Variants in PRKCA observed in about 807,000 individuals in gnomAD.
PRKCA encodes protein kinase C alpha type.
PRKCA carries 27 observed loss-of-function variants against 87.0 expected under a neutral mutation model. The ratio of observed to expected loss-of-function variants is 0.31; its 90% CI spans 0.23 to 0.43. The LOEUF (loss-of-function observed/expected upper bound fraction) is 0.43. PRKCA is among the 20% of genes least tolerant of loss of function. The pLI is 1.00. For synonymous variants in PRKCA, 329 were observed against 311.1 expected (o/e 1.06, Z -0.61); for missense variants, 518 against 852.3 (o/e 0.61, Z 4.88).
In PRKCA at chr17:66,550,416, C is replaced by T. The variant is rs143653232; in HGVS notation, c.288+54133C>T. On this transcript the variant is annotated intron_variant, in intron 3 of 16. Transcript: ENST00000413366. Reference sequence around the variant, plus strand: ...CTGTAATCCCAACACTTTGGGAGGCCGAGGCAGGTAGATCACCTGAGTTCA... The same window carrying T: ...CTGTAATCCCAACACTTTGGGAGGCTGAGGCAGGTAGATCACCTGAGTTCA... 5.3e-5 allele frequency among the ~76,000 whole-genome samples: 8 copies of T among 152,164 alleles called. No individual in the cohort carries two copies. The East Asian group carries it at 1.2e-3, about 22-fold the overall frequency.
intron 2 of PRKCA, among the ~76,000 whole-genome samples, chr17:66,368,382 ATATATTTTTTTTT>A (rs1908880778): frequency 2.9e-5 from 1 of 34,570 alleles, no homozygotes; most frequent in Non-Finnish European, 5.8e-5. Context: ...ATATATATAT[ATATATTTTTTTTT>A]TTTTTTTTTT....
chr17:66,380,342 G>C (rs1052236648), intron 2 of PRKCA, among the ~76,000 whole-genome samples: 1 of 152,084 alleles, frequency 6.6e-6, no homozygotes, highest in Non-Finnish European at 1.5e-5. Flanking sequence ...GGGAGTAAGT[G>C]ATGTATCTCC....
intron 3 of PRKCA, among the ~76,000 whole-genome samples, chr17:66,586,060 A>G (rs908232516): frequency 6.6e-6 from 1 of 152,208 alleles, no homozygotes; most frequent in Non-Finnish European, 1.5e-5. Flanking sequence ...AACATATTCA[A>G]TAAGTTAATA....
At chr17:66,365,797 T>C (rs1908681635) in intron 2 of PRKCA, among the ~76,000 whole-genome samples, 1 of 152,224 alleles carries the variant, frequency 6.6e-6, no homozygotes, top group South Asian at 2.1e-4. Context: ...ATTAAACGCA[T>C]GCCAAAGGCT....
At chr17:66,749,088 G>A (rs893548863) in intron 13 of PRKCA, among the ~76,000 whole-genome samples, 2 of 145,370 alleles carry the variant, frequency 1.4e-5, no homozygotes, top group African/African-American at 2.6e-5. Flanking sequence ...CAGGACAGGC[G>A]GGTATTAGGT....
At chr17:66,692,183 A>G (rs906467533) in intron 8 of PRKCA, among the ~76,000 whole-genome samples, 1 of 152,190 alleles carries the variant, frequency 6.6e-6, no homozygotes, top group African/African-American at 2.4e-5. Context: ...TCTTCAGCCT[A>G]GTGAGGTCTG....
At chr17:66,778,121 T>G (rs1179736261) in intron 14 of PRKCA, 1 of 985,322 alleles carries the variant, frequency 1.0e-6, no homozygotes, top group Non-Finnish European at 1.2e-6. Flanking sequence ...TCAATAGTTC[T>G]GCAAACTTTC....
intron 13 of PRKCA, among the ~76,000 whole-genome samples, chr17:66,755,797 G>A (rs976806901): frequency 3.9e-5 from 6 of 152,136 alleles, no homozygotes; most frequent in African/African-American, 1.4e-4. Flanking sequence ...AGAGCCATTG[G>A]CGCCTCCCAC....
At chr17:66,315,756 A>T (rs1053299404) in intron 2 of PRKCA, among the ~76,000 whole-genome samples, 1 of 152,202 alleles carries the variant, frequency 6.6e-6, no homozygotes, top group Non-Finnish European at 1.5e-5. Flanking sequence ...CTGGGATTAC[A>T]GGCATGAGCC....
intron 2 of PRKCA, among the ~76,000 whole-genome samples, chr17:66,370,794 C>G (rs1909062899): frequency 6.6e-6 from 1 of 152,070 alleles, no homozygotes; most frequent in African/African-American, 2.4e-5. Flanking sequence ...AAGCGATCCA[C>G]CACTGCCCAT....
chr17:66,406,483 C>G (rs966290589), intron 2 of PRKCA, among the ~76,000 whole-genome samples: 4 of 150,024 alleles, frequency 2.7e-5, no homozygotes, highest in Non-Finnish European at 5.9e-5. Flanking sequence ...TTATCACTTT[C>G]TGTATCATGC....
chr17:66,526,651 G>A (rs539271806), intron 3 of PRKCA, among the ~76,000 whole-genome samples: 68 of 152,254 alleles, frequency 4.5e-4, no homozygotes, highest in Non-Finnish European at 1.8e-4. Flanking sequence ...GTTGGCCAAA[G>A]TGAGTCACAT....
intron 14 of PRKCA, among the ~76,000 whole-genome samples, chr17:66,776,862 G>C (rs148355413): frequency 6.6e-6 from 1 of 152,352 alleles, no homozygotes; most frequent in Non-Finnish European, 1.5e-5. Flanking sequence ...GGCATGTGCA[G>C]TGTGTTTACT....
chr17:66,707,795 C>T (rs1162800361), intron 8 of PRKCA, among the ~76,000 whole-genome samples: 1 of 152,062 alleles, frequency 6.6e-6, no homozygotes, highest in Non-Finnish European at 1.5e-5. Context: ...AAGCTTACAC[C>T]CTGTCTCCTA....
intron 8 of PRKCA, among the ~76,000 whole-genome samples, chr17:66,713,588 G>C (rs1465863781): frequency 6.6e-6 from 1 of 152,162 alleles, no homozygotes; most frequent in Non-Finnish European, 1.5e-5. Context: ...GTGTGGTTTT[G>C]TTATGAGGAC....
At chr17:66,503,739 G>C (rs117037169) in intron 3 of PRKCA, among the ~76,000 whole-genome samples, 5 of 152,136 alleles carry the variant, frequency 3.3e-5, no homozygotes, top group Non-Finnish European at 7.4e-5. Context: ...GATAAAAAAG[G>C]CTGCTGAAAT....
chr17:66,544,049 TA>T (rs943877715), intron 3 of PRKCA, among the ~76,000 whole-genome samples: 1 of 151,774 alleles, frequency 6.6e-6, no homozygotes, highest in Admixed American at 6.6e-5. Context: ...CTGACTGTAC[TA>T]AAAAAAATAC....
At chr17:66,602,522 C>T (rs1970075173) in intron 3 of PRKCA, among the ~76,000 whole-genome samples, 1 of 151,966 alleles carries the variant, frequency 6.6e-6, no homozygotes, top group South Asian at 2.1e-4. Flanking sequence ...CAGAAATCAC[C>T]CGTCTTCTGC....
At chr17:66,504,977 T>G (rs1916909556) in intron 3 of PRKCA, among the ~76,000 whole-genome samples, 1 of 152,012 alleles carries the variant, frequency 6.6e-6, no homozygotes, top group Admixed American at 6.6e-5. Context: ...GAAGCCCGAG[T>G]CCATTTCTGA....
Sources: gnomAD v4.1 joint callset for allele counts (sites outside exome capture counted in the v4.1 genomes callset) on GRCh38, gnomAD v4.1.1 for gene constraint, MANE v1.5 for transcripts, NCBI Gene and HGNC (gene_info 2026-07-23, HGNC 2026-07-21) for gene names.